The following CCDC174 variants were observed in gnomAD, a reference collection of about 807,000 sequenced individuals.
CCDC174 encodes coiled-coil domain containing 174, also known as coiled-coil domain-containing protein 174.
Under a neutral mutation model 57.1 loss-of-function variants are expected in CCDC174, and 37 were observed. The observed-to-expected ratio is 0.65, with a 90% CI of 0.50 to 0.85. CCDC174 has a LOEUF of 0.85. Ranked by LOEUF, CCDC174 falls within the 40% of genes least tolerant of loss-of-function variation. CCDC174 has a pLI of 0.00. For synonymous variants in CCDC174, 182 were observed against 190.2 expected (o/e 0.96, Z 0.35); for missense variants, 540 against 574.3 (o/e 0.94, Z 0.61).
chr3:14,652,979 C>T (rs1488674385), intron 1 of CCDC174, among the ~76,000 whole-genome samples: 1 of 152,116 alleles, frequency 6.6e-6, no homozygotes, highest in Non-Finnish European at 1.5e-5. Flanking sequence ...AAAGCTGCTG[C>T]CTTTTCATCA....
At chr3:14,662,473 C>G (rs956517886) in intron 5 of CCDC174, among the ~76,000 whole-genome samples, 1 of 152,098 alleles carries the variant, frequency 6.6e-6, no homozygotes, top group African/African-American at 2.4e-5. Context: ...ATAGAAGAAC[C>G]AAACTCGTCT....
At chr3:14,655,078 G>C (rs1310669424) in intron 2 of CCDC174, among the ~76,000 whole-genome samples, 1 of 152,238 alleles carries the variant, frequency 6.6e-6, no homozygotes, top group Non-Finnish European at 1.5e-5. Context: ...CTCTTTGGAA[G>C]GCCGAGGCAG....
intron 9 of CCDC174, 30 bp from the exon 10 acceptor site, chr3:14,669,904 A>G (rs1043624829): frequency 2.5e-6 from 4 of 1,607,966 alleles, no homozygotes; most frequent in Middle Eastern, 1.7e-4. Flanking sequence ...GCTTTTTTAT[A>G]ACAGTGTCTT....
chr3:14,660,271 C>T (rs1290983620), intron 4 of CCDC174, among the ~76,000 whole-genome samples: 3 of 152,100 alleles, frequency 2.0e-5, no homozygotes, highest in Admixed American at 6.5e-5. Context: ...TTTGGGAGGC[C>T]GAGGCGGGTG....
intron 4 of CCDC174, among the ~76,000 whole-genome samples, chr3:14,661,037 G>A (rs2031116084): frequency 6.6e-6 from 1 of 152,194 alleles, no homozygotes; most frequent in Non-Finnish European, 1.5e-5. Context: ...GGCTTGACAA[G>A]AACTCAGATG....
chr3:14,671,155 T>C lies in CCDC174; in HGVS notation c.1365T>C (p.Thr455=). ...PPQAPTVTFK[T]LDDMISYYKQ... is the part of the protein sequence containing the mutation. ...AAGCCCCCACAGTTACTTTCAAAAC[T>C]CTGGATGACATGATTTCCTATTACA... The change falls in exon 11 of 11, where the codon ACT becomes ACC. Residue 455 remains threonine (T), a synonymous_variant. Coordinates refer to ENST00000383794, the MANE Select transcript of CCDC174 (RefSeq NM_016474.5). 6.2e-7 allele frequency: 1 copy of C among 1,612,738 alleles called. No homozygotes were observed. Among genetic ancestry groups the C allele is most frequent in the Non-Finnish European group, 8.5e-7 (1 of 1,179,098 alleles).
chr3:14,652,361 TAA>T (rs1044073706), intron 1 of CCDC174, among the ~76,000 whole-genome samples: 5 of 152,234 alleles, frequency 3.3e-5, no homozygotes, highest in African/African-American at 1.2e-4. Context: ...TCCCTGGAAC[TAA>T]ACAGTTGTTA....
chr3:14,659,138 C>A (rs1159171571), intron 4 of CCDC174, among the ~76,000 whole-genome samples: 4 of 152,104 alleles, frequency 2.6e-5, no homozygotes, highest in Non-Finnish European at 5.9e-5. Context: ...CTGGAAGGGA[C>A]AAACAAGTAC....
intron 5 of CCDC174, among the ~76,000 whole-genome samples, chr3:14,663,462 C>T (rs2031218641): frequency 1.3e-5 from 2 of 152,224 alleles, no homozygotes; most frequent in African/African-American, 4.8e-5. Flanking sequence ...GTAGTCTTTA[C>T]GTACCCAGTG....
chr3:14,668,853 C>G (rs1428188257), intron 9 of CCDC174, among the ~76,000 whole-genome samples: 1 of 152,172 alleles, frequency 6.6e-6, no homozygotes, highest in Non-Finnish European at 1.5e-5. Context: ...TAGCTCTGCC[C>G]TAGATGGTCA....
chr3:14,668,249 G>A, intron 9 of CCDC174, 68 bp downstream of exon 9: 2 of 1,435,658 alleles, frequency 1.4e-6, no homozygotes, highest in Non-Finnish European at 1.9e-6. Context: ...CTTGCTAATA[G>A]GGCTGGCAAT....
rs1051185610 is a variant in CCDC174 at position 14,672,404 on chromosome 3, A to G, written c.*1210A>G. On this transcript the variant is annotated 3_prime_UTR_variant, in exon 11 of 11. Transcript: ENST00000383794. ...AGGGGTCGATGACTTGTGCAGGGTC[A>G]TATGGTACCTAAGGGGCAGATCTCA... is the stretch of plus-strand genomic sequence containing the variant. 1.3e-5 allele frequency: 2 copies of G among 152,322 alleles called. No homozygotes were observed. The highest frequency in any genetic ancestry group is 6.5e-5 in the Admixed American group (1 of 15,286). 9.4% of individuals were successfully genotyped at this position (152,322 alleles called of 1,614,324 possible). A position where few individuals can be genotyped will look rare whatever the true frequency, so the allele number is the denominator to read the frequency against.
At chr3:14,654,905 G>A (rs762999706) in intron 2 of CCDC174, among the ~76,000 whole-genome samples, 7 of 152,186 alleles carry the variant, frequency 4.6e-5, no homozygotes, top group Non-Finnish European at 8.8e-5. Context: ...AGTTTTATAG[G>A]TAATAGTGTC....
Position 14,671,197 on chromosome 3 carries a change from T to C in CCDC174, c.*3T>C, listed in dbSNP as rs1285881012. On this transcript the variant is annotated 3_prime_UTR_variant, in exon 11 of 11. Transcript: ENST00000383794. ...CCTATTACAAACAAGTGACATGATC[T>C]TTCAAAGCACGCTGACTTGGGTTTG... The C allele has an allele frequency of 2.5e-6, 4 of 1,603,074 alleles. No individual in the cohort carries two copies. The South Asian group carries it at 4.4e-5, about 18-fold the overall frequency.
chr3:14,652,568 C>A (rs993043240), intron 1 of CCDC174, among the ~76,000 whole-genome samples: 6 of 152,138 alleles, frequency 3.9e-5, no homozygotes, highest in Non-Finnish European at 7.3e-5. Flanking sequence ...GAAATTGAGG[C>A]CTGGAAAGAT....
rs963453995 is a variant in CCDC174, at chr3:14,655,880, A to G, written c.248+251A>G. On this transcript the variant is annotated intron_variant, in intron 3 of 10. Coordinates refer to ENST00000383794, the MANE Select transcript of CCDC174 (RefSeq NM_016474.5). ...CCTTTGTTAGACACTAAGATTATCA[A>G]TACATTTTTAAGAGGTTTTCCCATG... Among the ~76,000 whole-genome samples the G allele has an allele frequency of 1.7e-4, 26 of 152,358 alleles. No homozygotes were observed. In the South Asian group the frequency reaches 2.3e-3, roughly 13 times the overall value.
At chr3:14,662,886 A>T (rs920817556) in intron 5 of CCDC174, among the ~76,000 whole-genome samples, 2 of 152,214 alleles carry the variant, frequency 1.3e-5, no homozygotes, top group African/African-American at 4.8e-5. Flanking sequence ...TAACATTCTC[A>T]TTGGGATAAA....
chr3:14,665,284 A>G (rs2031278032), intron 6 of CCDC174, among the ~76,000 whole-genome samples, 161 bp downstream of exon 6: 1 of 152,190 alleles, frequency 6.6e-6, no homozygotes, highest in African/African-American at 2.4e-5. Context: ...AGTGGTTAGC[A>G]TGCACATACA....
intron 7 of CCDC174, 60 bp downstream of exon 7, chr3:14,667,007 C>A: frequency 7.2e-7 from 1 of 1,392,002 alleles, no homozygotes; most frequent in Non-Finnish European, 9.8e-7. Flanking sequence ...TGATGGCAAA[C>A]ATAAAGGGAA....
Sources: gnomAD v4.1 joint callset for allele counts (sites outside exome capture counted in the v4.1 genomes callset) on GRCh38, gnomAD v4.1.1 for gene constraint, MANE v1.5 for transcripts, NCBI Gene and HGNC (gene_info 2026-07-23, HGNC 2026-07-21) for gene names.